Variants in DCC observed in about 807,000 individuals in gnomAD.
DCC encodes netrin receptor DCC.
A neutral mutation model predicts 172.5 loss-of-function variants in DCC; 58 were observed. That is an observed-to-expected ratio of 0.34 (90% CI 0.27 to 0.42). The LOEUF is 0.42. DCC is among the 10% of genes least tolerant of loss of function. The pLI is 1.00. For synonymous variants in DCC, 709 were observed against 644.5 expected (o/e 1.10, Z -1.52); for missense variants, 1,740 against 1,791.0 (o/e 0.97, Z 0.51).
chr18:53,097,242 A>AT (rs1343613835), intron 7 of DCC, among the ~76,000 whole-genome samples: 1 of 152,180 alleles, frequency 6.6e-6, no homozygotes, highest in Non-Finnish European at 1.5e-5. Flanking sequence ...TAAAGCATTG[A>AT]AAGGTGTAAA....
intron 27 of DCC, among the ~76,000 whole-genome samples, chr18:53,520,105 G>GA (rs1460754518): frequency 6.6e-6 from 1 of 152,002 alleles, no homozygotes; most frequent in Non-Finnish European, 1.5e-5. Flanking sequence ...AAGCAGTGTA[G>GA]AAAAAAACCA....
intron 2 of DCC, among the ~76,000 whole-genome samples, chr18:52,845,028 G>T (rs948687358): frequency 1.3e-5 from 2 of 152,206 alleles, no homozygotes; most frequent in African/African-American, 4.8e-5. Context: ...TGTCCAAGAG[G>T]TATTCATCTG....
chr18:52,765,859 C>A (rs1475920637), intron 2 of DCC, among the ~76,000 whole-genome samples: 1 of 152,178 alleles, frequency 6.6e-6, no homozygotes, highest in Non-Finnish European at 1.5e-5. Flanking sequence ...TGGAAACGTT[C>A]TGGGCCTAGT....
chr18:53,515,987 A>T (rs1334869045), intron 27 of DCC, among the ~76,000 whole-genome samples: 1 of 149,656 alleles, frequency 6.7e-6, no homozygotes, highest in African/African-American at 2.5e-5. Flanking sequence ...AGCCCGCATC[A>T]CCGAGTCAAT....
intron 1 of DCC, among the ~76,000 whole-genome samples, chr18:52,362,314 T>C (rs886141378): frequency 6.6e-6 from 1 of 152,236 alleles, no homozygotes; most frequent in Admixed American, 6.5e-5. Flanking sequence ...GTCCCCCACT[T>C]GGAGCTGGGA....
intron 12 of DCC, among the ~76,000 whole-genome samples, chr18:53,275,334 C>A (rs1377648961): frequency 6.6e-6 from 1 of 152,008 alleles, no homozygotes; most frequent in Non-Finnish European, 1.5e-5. Flanking sequence ...TTTGCCTTTT[C>A]TTCTTCTCTC....
At chr18:52,485,856 A>G (rs141923709) in intron 1 of DCC, among the ~76,000 whole-genome samples, 19 of 152,300 alleles carry the variant, frequency 1.2e-4, no homozygotes, top group African/African-American at 4.6e-4. Context: ...TTAATCAAAA[A>G]TAAAATAATT....
At chr18:52,724,873 A>G (rs1054536794) in intron 1 of DCC, among the ~76,000 whole-genome samples, 28 of 152,170 alleles carry the variant, frequency 1.8e-4, no homozygotes, top group African/African-American at 6.8e-4. Context: ...TTCACTACTA[A>G]GGAAGCCTAA....
chr18:53,210,568 CTG>C (rs746662461), intron 11 of DCC, among the ~76,000 whole-genome samples: 3 of 152,088 alleles, frequency 2.0e-5, no homozygotes, highest in Non-Finnish European at 2.9e-5. Flanking sequence ...TCAGTCAAAA[CTG>C]TGCAAATTTC....
intron 5 of DCC, among the ~76,000 whole-genome samples, chr18:52,933,248 A>T (rs2145506536): frequency 6.6e-6 from 1 of 152,224 alleles, no homozygotes; most frequent in South Asian, 2.1e-4. Context: ...TCCGCCAAGT[A>T]GTCTTTGGGC....
intron 1 of DCC, among the ~76,000 whole-genome samples, chr18:52,441,283 A>ACAAAAAT (rs1987962322): frequency 6.6e-6 from 1 of 152,192 alleles, no homozygotes; most frequent in South Asian, 2.1e-4. Context: ...CAGGAACTCC[A>ACAAAAAT]CAAAAATGAG....
chr18:53,289,350 G>T (rs2056973292), intron 12 of DCC, among the ~76,000 whole-genome samples: 1 of 152,094 alleles, frequency 6.6e-6, no homozygotes, highest in South Asian at 2.1e-4. Context: ...TGTGTTTCAT[G>T]ATTGATCAAA....
intron 1 of DCC, among the ~76,000 whole-genome samples, chr18:52,542,519 G>A (rs1022425720): frequency 1.3e-5 from 2 of 152,026 alleles, no homozygotes; most frequent in Non-Finnish European, 2.9e-5. Context: ...GTAGTTCTTT[G>A]GAATTCTAGT....
intron 5 of DCC, among the ~76,000 whole-genome samples, chr18:53,045,040 T>A (rs1599062581): frequency 6.6e-6 from 1 of 151,850 alleles, no homozygotes; most frequent in African/African-American, 2.4e-5. Context: ...ATGATAAGTA[T>A]GAAAATATAC....
intron 1 of DCC, among the ~76,000 whole-genome samples, chr18:52,696,977 A>G (rs527831538): frequency 3.3e-5 from 5 of 152,262 alleles, no homozygotes; most frequent in South Asian, 4.1e-4. Context: ...TTTGGGAGGT[A>G]CCCCACAGGG....
intron 2 of DCC, among the ~76,000 whole-genome samples, chr18:52,890,417 T>C (rs928352441): frequency 5.9e-5 from 9 of 152,086 alleles, no homozygotes; most frequent in Non-Finnish European, 1.3e-4. Flanking sequence ...TAAAGAAATA[T>C]AGGAAACAAG....
intron 2 of DCC, among the ~76,000 whole-genome samples, chr18:52,789,825 A>G (rs2037726128): frequency 6.6e-6 from 1 of 152,128 alleles, no homozygotes; most frequent in Non-Finnish European, 1.5e-5. Flanking sequence ...AGCCTGGTTT[A>G]CAGTTTATAG....
chr18:52,779,494 T>C (rs540517794), intron 2 of DCC, among the ~76,000 whole-genome samples: 1 of 152,312 alleles, frequency 6.6e-6, no homozygotes, highest in Non-Finnish European at 1.5e-5. Context: ...CATCCTTTTT[T>C]ATGGCTATAT....
chr18:52,368,354 G>T (rs115150824), intron 1 of DCC, among the ~76,000 whole-genome samples: 1 of 152,122 alleles, frequency 6.6e-6, no homozygotes, highest in African/African-American at 2.4e-5. Flanking sequence ...GGGGCTGGAG[G>T]CTATTTGGGA....
Sources: gnomAD v4.1 joint callset for allele counts (sites outside exome capture counted in the v4.1 genomes callset) on GRCh38, gnomAD v4.1.1 for gene constraint, MANE v1.5 for transcripts, NCBI Gene and HGNC (gene_info 2026-07-23, HGNC 2026-07-21) for gene names.